Variants in CCDC7 observed in about 807,000 individuals in gnomAD.
CCDC7 encodes the protein coiled-coil domain containing 7, also known as coiled-coil domain-containing protein 7.
CCDC7 carries 183 observed loss-of-function variants against 196.9 expected under a neutral mutation model. The ratio of observed to expected loss-of-function variants is 0.93; its 90% CI spans 0.82 to 1.05. The LOEUF is 1.05. CCDC7 is among the 50% of genes least tolerant of loss of function. The probability of loss-of-function intolerance (pLI) is 0.00; values close to 1 mark genes in which losing one functional copy is unlikely to be tolerated. For missense variants in CCDC7, 1,540 were observed against 1,482.2 expected (o/e 1.04, Z -0.64); for synonymous variants, 525 against 484.6 (o/e 1.08, Z -1.10).
intron 23 of CCDC7, among the ~76,000 whole-genome samples, chr10:32,694,324 A>G (rs1372103266): frequency 6.6e-6 from 1 of 152,164 alleles, no homozygotes; most frequent in African/African-American, 2.4e-5. Context: ...TTTATTTAGA[A>G]GTTTGTGATG....
At chr10:32,723,735 C>G (rs1592063820) in intron 25 of CCDC7, among the ~76,000 whole-genome samples, 1 of 152,184 alleles carries the variant, frequency 6.6e-6, no homozygotes, top group Non-Finnish European at 1.5e-5. Context: ...AACAAGATTT[C>G]CTTCTTCATC....
At chr10:32,461,869 T>G (rs927294621) in intron 3 of CCDC7, among the ~76,000 whole-genome samples, 2 of 151,296 alleles carry the variant, frequency 1.3e-5, no homozygotes, top group East Asian at 3.9e-4. Flanking sequence ...CCTCCCGGGT[T>G]CAAGTGATTC....
chr10:32,584,683 G>A lies in CCDC7; in HGVS notation c.1801+379G>A, dbSNP rs375416635. ...CAGGAGAATCGCTTGAACCCAGGAG[G>A]TGGAGGTTGCAGTGAGCCGAGATCA... On this transcript the variant is annotated intron_variant, in intron 18 of 41. Coordinates refer to ENST00000639629, the Ensembl canonical transcript of CCDC7. 5.0e-4 allele frequency among the ~76,000 whole-genome samples: 73 copies of A among 146,658 alleles called. 1 individual carries two copies. The highest frequency in any genetic ancestry group is 2.3e-3 in the East Asian group (11 of 4,808).
At chr10:32,500,330 C>T (rs553484479) in intron 9 of CCDC7, among the ~76,000 whole-genome samples, 27 of 149,236 alleles carry the variant, frequency 1.8e-4, no homozygotes, top group South Asian at 2.1e-4. Flanking sequence ...ACTTCTCGGA[C>T]GGGGCGGCCG....
chr10:32,678,451 T>A (rs937680298), intron 21 of CCDC7, among the ~76,000 whole-genome samples: 8 of 152,126 alleles, frequency 5.3e-5, no homozygotes, highest in Non-Finnish European at 1.2e-4. Flanking sequence ...AGGTCAGCTG[T>A]CAGGGTCCAC....
intron 33 of CCDC7, among the ~76,000 whole-genome samples, chr10:32,841,743 TGGTA>T (rs2092987467): frequency 6.6e-6 from 1 of 152,104 alleles, no homozygotes; most frequent in South Asian, 2.1e-4. Context: ...AGCATGGTAC[TGGTA>T]TAAAAATACA....
At chr10:32,595,195 G>A (rs1049346912) in intron 18 of CCDC7, among the ~76,000 whole-genome samples, 3 of 152,162 alleles carry the variant, frequency 2.0e-5, no homozygotes, top group Non-Finnish European at 4.4e-5. Flanking sequence ...TTTTTGGTTG[G>A]TAAGGTATTA....
intron 11 of CCDC7, among the ~76,000 whole-genome samples, chr10:32,529,821 G>A (rs11008962): frequency 0.35 from 52,470 of 152,008 alleles, 11,470 homozygotes; most frequent in Non-Finnish European, 0.5. Flanking sequence ...TTTGCTTTTG[G>A]GTTCTTGGTT....
chr10:32,643,025 T>G (rs2067118701), intron 20 of CCDC7, among the ~76,000 whole-genome samples: 1 of 152,236 alleles, frequency 6.6e-6, no homozygotes, highest in South Asian at 2.1e-4. Context: ...TGTAGAAACA[T>G]GCATTAAATT....
At chr10:32,690,060 A>G (rs2076912771) in intron 23 of CCDC7, among the ~76,000 whole-genome samples, 3 of 152,198 alleles carry the variant, frequency 2.0e-5, no homozygotes, top group African/African-American at 7.2e-5. Flanking sequence ...TTGTTAGACC[A>G]GAAAGGATCA....
intron 21 of CCDC7, among the ~76,000 whole-genome samples, chr10:32,676,021 T>C (rs1396191534): frequency 1.3e-5 from 2 of 151,866 alleles, no homozygotes; most frequent in East Asian, 1.9e-4. Flanking sequence ...AGCATGGTAC[T>C]GGTACCAAAA....
chr10:32,537,705 G>T (rs1459834198), intron 11 of CCDC7, among the ~76,000 whole-genome samples: 1 of 152,072 alleles, frequency 6.6e-6, no homozygotes, highest in Non-Finnish European at 1.5e-5. Flanking sequence ...TCAGTCTTCT[G>T]CATATGGCTG....
chr10:32,511,841 T>G, intron 9 of CCDC7: 1 of 723,470 alleles, frequency 1.4e-6, no homozygotes, highest in Admixed American at 2.3e-5. Context: ...CAGCGGCGCT[T>G]TCCGATGATC....
At chr10:32,463,072 G>C (rs759926713) in intron 5 of CCDC7, 23 bp downstream of exon 6, 2 of 1,611,906 alleles carry the variant, frequency 1.2e-6, no homozygotes, top group African/African-American at 1.3e-5. Flanking sequence ...TTTTAAAATT[G>C]TTAAGTTAAT....
chr10:32,780,020 C>T (rs374365044), intron 29 of CCDC7, among the ~76,000 whole-genome samples: 1 of 152,082 alleles, frequency 6.6e-6, no homozygotes, highest in South Asian at 2.1e-4. Flanking sequence ...AGGTAGATCA[C>T]GAGGTCAGGA....
chr10:32,701,552 C>T (rs1380189579), intron 24 of CCDC7, among the ~76,000 whole-genome samples: 1 of 152,152 alleles, frequency 6.6e-6, no homozygotes, highest in Non-Finnish European at 1.5e-5. Flanking sequence ...AGGGAGGATT[C>T]CCTCTTTTTC....
intron 8 of CCDC7, among the ~76,000 whole-genome samples, chr10:32,486,148 C>T (rs180835256): frequency 6.6e-6 from 1 of 152,266 alleles, no homozygotes; most frequent in Admixed American, 6.5e-5. Flanking sequence ...CTTTCTAGGT[C>T]TCCAAGGACT....
At chr10:32,507,483 C>A (rs2045385159) in intron 9 of CCDC7, among the ~76,000 whole-genome samples, 1 of 151,320 alleles carries the variant, frequency 6.6e-6, no homozygotes, top group African/African-American at 2.4e-5. Flanking sequence ...TGGATTCTCA[C>A]TCTGTTGCCC....
At chr10:32,646,476 G>A (rs767881980) in intron 20 of CCDC7, among the ~76,000 whole-genome samples, 2 of 152,040 alleles carry the variant, frequency 1.3e-5, no homozygotes, top group Non-Finnish European at 2.9e-5. Context: ...ATGTGCTATG[G>A]TGAAGAATGT....
Sources: allele counts gnomAD v4.1 joint callset (sites outside exome capture counted in the v4.1 genomes callset), GRCh38; gene constraint gnomAD v4.1.1; transcripts MANE v1.5; gene names NCBI Gene and HGNC (gene_info 2026-07-23, HGNC 2026-07-21).